Variants in CLASP2 observed in about 807,000 individuals in gnomAD.
The protein encoded by CLASP2 is CLIP-associating protein 2.
CLASP2 carries 47 observed loss-of-function variants against 194.4 expected under a neutral mutation model. The observed-to-expected ratio is 0.24, with a 90% confidence interval of 0.19 to 0.31. The LOEUF is 0.31. Ranked by LOEUF, CLASP2 falls within the 10% of genes least tolerant of loss-of-function variation. The pLI is 1.00. For missense variants in CLASP2, 1,445 were observed against 1,823.6 expected (o/e 0.79, Z 3.78); for synonymous variants, 619 against 633.5 (o/e 0.98, Z 0.34).
intron 21 of CLASP2, among the ~76,000 whole-genome samples, chr3:33,591,579 C>A (rs2068804384): frequency 6.6e-6 from 1 of 152,170 alleles, no homozygotes; most frequent in African/African-American, 2.4e-5. Flanking sequence ...CTGCTCTATT[C>A]CAGCCTAGGC....
At chr3:33,708,935 T>G (rs985902445) in intron 1 of CLASP2, among the ~76,000 whole-genome samples, 4 of 152,196 alleles carry the variant, frequency 2.6e-5, no homozygotes, top group African/African-American at 9.7e-5. Flanking sequence ...TACATTACCC[T>G]GACAATTACT....
At chr3:33,611,876 A>C in intron 13 of CLASP2, 125 bp downstream of exon 13, 1 of 670,554 alleles carries the variant, frequency 1.5e-6, no homozygotes, top group East Asian at 2.8e-5. Flanking sequence ...AAACAAAACA[A>C]AACACTTTTT....
intron 6 of CLASP2, chr3:33,682,901 T>G (rs370807870): frequency 6.6e-6 from 1 of 152,222 alleles, no homozygotes; most frequent in Non-Finnish European, 1.5e-5. Flanking sequence ...CCTGCTACAG[T>G]CTACCTGTAT....
intron 38 of CLASP2, 42 bp downstream of exon 38, chr3:33,501,610 G>A (rs750360731): frequency 7.3e-6 from 9 of 1,228,982 alleles, no homozygotes; most frequent in South Asian, 1.2e-5. Flanking sequence ...TTTGAAAGAT[G>A]TACTATGGCC....
chr3:33,548,763 C>CTTTTTTTTT (rs57112524), intron 30 of CLASP2, among the ~76,000 whole-genome samples: 14 of 93,144 alleles, frequency 1.5e-4, no homozygotes, highest in East Asian at 5.9e-4. Flanking sequence ...GGTTTCATTT[C>CTTTTTTTTT]TTTTTTTTTT....
At chr3:33,529,778 G>A (rs1048209350) in intron 34 of CLASP2, among the ~76,000 whole-genome samples, 9 of 151,672 alleles carry the variant, frequency 5.9e-5, no homozygotes, top group African/African-American at 7.3e-5. Context: ...TCAGGAGATC[G>A]AGACCATCCT....
At chr3:33,667,405 T>TAAAA (rs2086374074) in intron 6 of CLASP2, among the ~76,000 whole-genome samples, 1 of 37,542 alleles carries the variant, frequency 2.7e-5, no homozygotes, top group African/African-American at 3.3e-4. Context: ...TGAGACTATC[T>TAAAA]CAAAAAAAAA....
chr3:33,708,561 T>TATATAC (rs1559704231), intron 1 of CLASP2, among the ~76,000 whole-genome samples: 6 of 126,728 alleles, frequency 4.7e-5, no homozygotes, highest in African/African-American at 1.7e-4. Context: ...TATATATATA[T>TATATAC]ACATACACAC....
chr3:33,671,182 T>C (rs2154337843), intron 6 of CLASP2, among the ~76,000 whole-genome samples: 1 of 152,206 alleles, frequency 6.6e-6, no homozygotes, highest in Middle Eastern at 3.4e-3. Flanking sequence ...TTAGAAACAT[T>C]TGTGAGGTTC....
intron 1 of CLASP2, among the ~76,000 whole-genome samples, chr3:33,706,772 G>C (rs2092704985): frequency 6.6e-6 from 1 of 151,886 alleles, no homozygotes; most frequent in Non-Finnish European, 1.5e-5. Context: ...GACCAGCCTG[G>C]GCAACATAGG....
At chr3:33,626,666 T>A (rs537906537) in intron 10 of CLASP2, among the ~76,000 whole-genome samples, 2 of 152,112 alleles carry the variant, frequency 1.3e-5, no homozygotes, top group Non-Finnish European at 2.9e-5. Flanking sequence ...TTGAGGATAG[T>A]GCTAATAAGC....
At chr3:33,573,651 T>A (rs2064233263) in intron 24 of CLASP2, among the ~76,000 whole-genome samples, 1 of 152,144 alleles carries the variant, frequency 6.6e-6, no homozygotes, top group Admixed American at 6.5e-5. Context: ...TCCTTTCCCC[T>A]TTTCACGAAA....
rs1256342894 is a variant in CLASP2, at chr3:33,535,379, G to A, written c.3641C>T (p.Ala1214Val). 4 of 1,613,924 alleles carry A rather than the reference G, an allele frequency of 2.5e-6. No homozygotes were observed. The Admixed American group carries it at 6.7e-5, about 27-fold the overall frequency. Residue 1214 changes from alanine (A) to valine (V), a missense_variant, in exon 34 of 39, where the codon GCT becomes GTT. Around this residue, in one of 4 missense-constraint regions of CLASP2, gnomAD observed 732 missense variants for 987.9 expected, o/e 0.74. Coordinates refer to ENST00000682230, the MANE Select transcript of CLASP2 (RefSeq NM_001365631.1). ...DSSQTALDNK[A>V]SLLHSMPTHS... ...AGTAGGCATTGAATGGAGCAATGAA[G>A]CTTTATTATCAAGAGCTGTTTGACT... is the stretch of plus-strand genomic sequence containing the variant.
At chr3:33,543,108 C>T (rs575918676) in intron 32 of CLASP2, among the ~76,000 whole-genome samples, 1 of 152,304 alleles carries the variant, frequency 6.6e-6, no homozygotes, top group South Asian at 2.1e-4. Flanking sequence ...GGTGGTACCT[C>T]ACGCCTGTAA....
chr3:33,577,773 C>T (rs143528252), intron 23 of CLASP2, among the ~76,000 whole-genome samples: 533 of 152,164 alleles, frequency 3.5e-3, no homozygotes, highest in Middle Eastern at 0.014. Flanking sequence ...AGCCAATTTG[C>T]CCTAATGACT....
At chr3:33,581,557 A>G (rs2066145794) in intron 23 of CLASP2, among the ~76,000 whole-genome samples, 1 of 152,238 alleles carries the variant, frequency 6.6e-6, no homozygotes, top group South Asian at 2.1e-4. Context: ...CTAGACTTCA[A>G]TATTCTGAAG....
chr3:33,664,291 G>A lies in CLASP2; in HGVS notation c.645-776C>T, dbSNP rs182485270. ...ACTGACAGCACTTTTTTTTTAGTTT[G>A]CTTTTCTTTCTCTTTCCAATATATT... On this transcript the variant is annotated intron_variant, in intron 6 of 38. Transcript: ENST00000682230. 2.6e-5 allele frequency among the ~76,000 whole-genome samples: 4 copies of A among 151,516 alleles called. No individual in the cohort carries two copies. The East Asian group carries it at 7.7e-4, about 29-fold the overall frequency.
chr3:33,594,926 T>C, intron 20 of CLASP2, 25 bp downstream of exon 20: 1 of 1,303,656 alleles, frequency 7.7e-7, no homozygotes, highest in Non-Finnish European at 1.0e-6. Context: ...GTATTTGTGT[T>C]ACTAACAAAA....
chr3:33,667,089 T>TA (rs2086306649), intron 6 of CLASP2, among the ~76,000 whole-genome samples: 2 of 152,286 alleles, frequency 1.3e-5, no homozygotes, highest in South Asian at 2.1e-4. Flanking sequence ...AAGAGCCCCT[T>TA]ATAACAGTCA....
Sources: allele counts gnomAD v4.1 joint callset (sites outside exome capture counted in the v4.1 genomes callset), GRCh38; gene constraint gnomAD v4.1.1; regional missense constraint gnomAD v4.1.1; transcripts MANE v1.5; gene names NCBI Gene and HGNC (gene_info 2026-07-23, HGNC 2026-07-21).